COG5: variants seen among roughly 807,000 people sequenced by gnomAD.
COG5 encodes the protein conserved oligomeric Golgi complex subunit 5.
A neutral mutation model predicts 110.4 loss-of-function variants in COG5; 86 were observed. The ratio of observed to expected loss-of-function variants is 0.78; its 90% confidence interval spans 0.65 to 0.93. The LOEUF is 0.93. COG5 is among the 40% of genes least tolerant of loss of function. The probability of loss-of-function intolerance (pLI) is 0.00; values close to 1 mark genes in which losing one functional copy is unlikely to be tolerated. For missense variants in COG5, 1,077 were observed against 987.0 expected, an observed-to-expected ratio of 1.09 and a Z score of -1.22; for synonymous variants, 360 against 334.6, an observed-to-expected ratio of 1.08 and a Z score of -0.83.
At chr7:107,496,587 A>G (rs990710449) in intron 6 of COG5, among the ~76,000 whole-genome samples, 17 of 151,618 alleles carry the variant, frequency 1.1e-4, no homozygotes, top group African/African-American at 3.6e-4. Flanking sequence ...TTGAACCCAG[A>G]AGGCAGAGGT....
chr7:107,236,831 G>C, intron 17 of COG5, 144 bp from the exon 18 acceptor site: 1 of 695,112 alleles, frequency 1.4e-6, no homozygotes, highest in Non-Finnish European at 2.6e-6. Flanking sequence ...ATTACTTTTT[G>C]ATAAGCGTTA....
intron 7 of COG5, among the ~76,000 whole-genome samples, chr7:107,407,983 T>C (rs1791988534): frequency 6.6e-6 from 1 of 152,166 alleles, no homozygotes; most frequent in Admixed American, 6.5e-5. Flanking sequence ...ATGCCTTATA[T>C]TAAGATCACT....
At chr7:107,327,020 A>G (rs1809823843) in intron 10 of COG5, among the ~76,000 whole-genome samples, 1 of 152,102 alleles carries the variant, frequency 6.6e-6, no homozygotes, top group Non-Finnish European at 1.5e-5. Flanking sequence ...TAAAAACCCA[A>G]ATAAAACCCA....
intron 19 of COG5, among the ~76,000 whole-genome samples, chr7:107,216,244 T>C (rs1039370736): frequency 6.6e-6 from 1 of 152,188 alleles, no homozygotes; most frequent in Non-Finnish European, 1.5e-5. Context: ...AGCACCTAAA[T>C]ATGTAAAGCA....
At chr7:107,441,949 C>T (rs796225895) in intron 6 of COG5, among the ~76,000 whole-genome samples, 13 of 152,232 alleles carry the variant, frequency 8.5e-5, no homozygotes, top group African/African-American at 3.1e-4. Context: ...TCCTTCTAGC[C>T]CAAACTATGA....
chr7:107,469,891 T>G (rs1796529729), intron 6 of COG5: 2 of 152,230 alleles, frequency 1.3e-5, no homozygotes, highest in South Asian at 2.1e-4. Flanking sequence ...ATACAACCAC[T>G]CATAAATTTA....
chr7:107,272,551 C>T (rs777635040), intron 14 of COG5, among the ~76,000 whole-genome samples: 22 of 152,240 alleles, frequency 1.4e-4, no homozygotes, highest in East Asian at 5.8e-4. Context: ...CTCAGATATA[C>T]GGGGTTCACA....
At chr7:107,254,184 G>C (rs1802718643) in intron 16 of COG5, among the ~76,000 whole-genome samples, 1 of 152,034 alleles carries the variant, frequency 6.6e-6, no homozygotes, top group Non-Finnish European at 1.5e-5. Flanking sequence ...AGAGAAGAAA[G>C]GACTGTTATA....
At chr7:107,311,377 T>G (rs1808245498) in intron 11 of COG5, among the ~76,000 whole-genome samples, 1 of 35,616 alleles carries the variant, frequency 2.8e-5, no homozygotes, top group Non-Finnish European at 4.6e-5. Context: ...TACATTTTTT[T>G]TTTTTTTTTT....
At position 107,298,316 on chromosome 7, in the gene COG5, C is replaced by A; in HGVS notation, c.1139G>T (p.Gly380Val). 4.3e-6 allele frequency: 7 copies of A among 1,613,394 alleles called. No individual in the cohort carries two copies. Among genetic ancestry groups the A allele is most frequent in the Non-Finnish European group, 5.9e-6 (7 of 1,179,652 alleles). Residue 380 changes from glycine (G) to valine (V), a missense_variant, in exon 12 of 22, where the codon GGA becomes GTA. Physicochemically the swap from Gly to Val is moderately radical, Grantham distance 109. Coordinates refer to ENST00000297135, the MANE Select transcript of COG5 (RefSeq NM_006348.5). ...SSMFLKQAFE[G>V]EYPKLLRLYN... Reference sequence around the variant, plus strand: ...AAGACGTAATAATTTAGGGTATTCTCCTTCAAATGCCTGCTTCAAAAACAT... The same window carrying A: ...AAGACGTAATAATTTAGGGTATTCTACTTCAAATGCCTGCTTCAAAAACAT...
chr7:107,365,998 T>A (rs369162400), intron 8 of COG5, among the ~76,000 whole-genome samples: 2 of 151,950 alleles, frequency 1.3e-5, no homozygotes, highest in East Asian at 1.9e-4. Flanking sequence ...AAAGCAACAA[T>A]AGACTTAACA....
intron 6 of COG5, among the ~76,000 whole-genome samples, chr7:107,492,755 A>C (rs1423150842): frequency 2.0e-5 from 3 of 152,234 alleles, no homozygotes; most frequent in African/African-American, 7.2e-5. Flanking sequence ...AATCCAGAAT[A>C]ATCTCCCCAT....
chr7:107,526,779 C>T (rs1231082286), intron 6 of COG5, among the ~76,000 whole-genome samples: 5 of 152,162 alleles, frequency 3.3e-5, no homozygotes, highest in Non-Finnish European at 7.3e-5. Flanking sequence ...TACAAGAAGA[C>T]AGCCTCAAAA....
chr7:107,312,460 C>A (rs953252967), intron 11 of COG5, among the ~76,000 whole-genome samples: 2 of 152,138 alleles, frequency 1.3e-5, no homozygotes, highest in African/African-American at 4.8e-5. Flanking sequence ...TTTGTGGGAA[C>A]TGACAGAAGA....
At position 107,262,534 on chromosome 7, in the gene COG5, C is replaced by A. The variant is rs192427271; in HGVS notation, c.1576-4151G>T. On this transcript the variant is annotated intron_variant, in intron 14 of 21. Transcript: ENST00000297135. ...ATTCTAGTCCTGGGTGAAACCAAGTCAATGCCTGAGTGTGAGAAGCTGAAT... is the reference window on the plus strand; with the variant it reads ...ATTCTAGTCCTGGGTGAAACCAAGTAAATGCCTGAGTGTGAGAAGCTGAAT... Among the ~76,000 whole-genome samples the A allele has an allele frequency of 2.6e-5, 4 of 152,230 alleles. No homozygotes were observed. In the East Asian group the frequency reaches 7.8e-4, roughly 30 times the overall value.
At chr7:107,265,021 A>G (rs1803684741) in intron 14 of COG5, among the ~76,000 whole-genome samples, 1 of 152,240 alleles carries the variant, frequency 6.6e-6, no homozygotes, top group Admixed American at 6.5e-5. Context: ...GTAAAACACT[A>G]GTAAAAGGCA....
At chr7:107,343,997 G>C (rs971148409) in intron 10 of COG5, among the ~76,000 whole-genome samples, 1 of 151,852 alleles carries the variant, frequency 6.6e-6, no homozygotes, top group Non-Finnish European at 1.5e-5. Flanking sequence ...AATAGATTTA[G>C]CATCATTCTT....
chr7:107,272,488 C>T (rs1232894294), intron 14 of COG5, among the ~76,000 whole-genome samples: 1 of 152,190 alleles, frequency 6.6e-6, no homozygotes, highest in Non-Finnish European at 1.5e-5. Context: ...GGCTGTGTCT[C>T]TGCAAGTCCT....
chr7:107,491,638 A>T (rs563766689), intron 6 of COG5, among the ~76,000 whole-genome samples: 2 of 152,184 alleles, frequency 1.3e-5, no homozygotes, highest in African/African-American at 4.8e-5. Flanking sequence ...TAAACAAGAT[A>T]AAAGCAAACT....
Sources: allele counts gnomAD v4.1 joint callset (sites outside exome capture counted in the v4.1 genomes callset), GRCh38; gene constraint gnomAD v4.1.1; transcripts MANE v1.5; gene names NCBI Gene and HGNC (gene_info 2026-07-23, HGNC 2026-07-21).